ACTR3C: variants seen among roughly 807,000 people sequenced by gnomAD.
ACTR3C encodes actin-related protein 3C.
A neutral mutation model predicts 26.3 loss-of-function variants in ACTR3C; 18 were observed. That is an observed-to-expected ratio of 0.68 (90% confidence interval 0.47 to 1.01). ACTR3C has a LOEUF of 1.01. Among genes scored for constraint, ACTR3C ranks in the 50% least tolerant of loss-of-function variants. The probability of loss-of-function intolerance (pLI) is 0.00; values close to 1 mark genes in which losing one functional copy is unlikely to be tolerated. For missense variants in ACTR3C, 184 were observed against 250.7 expected (o/e 0.73, Z 1.80); for synonymous variants, 55 against 94.5 (o/e 0.58, Z 2.42).
At chr7:150,015,536 A>G in the ACTR3C span, among the ~76,000 whole-genome samples, 2 of 152,164 alleles carry the variant, frequency 1.3e-5, no homozygotes, top group Non-Finnish European at 2.9e-5. Context: ...GCAGAAAGAC[A>G]CGTTCCCTTT....
chr7:150,265,361 G>GTA (rs1833949629), intron 6 of ACTR3C, among the ~76,000 whole-genome samples: 1 of 149,820 alleles, frequency 6.7e-6, no homozygotes, highest in Admixed American at 6.6e-5. Context: ...ACAAATTAAT[G>GTA]TAATAGATTT....
At chr7:150,099,577 C>T in the ACTR3C span, among the ~76,000 whole-genome samples, 1 of 151,550 alleles carries the variant, frequency 6.6e-6, no homozygotes, top group African/African-American at 2.4e-5. Context: ...GGCTGATCTG[C>T]AGGGGATGTG....
intron 4 of ACTR3C, among the ~76,000 whole-genome samples, chr7:150,287,317 G>GAAAGGA (rs1835865043): frequency 6.6e-6 from 1 of 152,172 alleles, no homozygotes; most frequent in Non-Finnish European, 1.5e-5. Flanking sequence ...TCCCGGGGAA[G>GAAAGGA]AAAGGAAAAG....
chr7:150,178,173 C>G, the ACTR3C span, among the ~76,000 whole-genome samples: 4 of 150,512 alleles, frequency 2.7e-5, no homozygotes, highest in Admixed American at 6.6e-5. Context: ...AAAGGCTGCT[C>G]CACTACTGAC....
the ACTR3C span, among the ~76,000 whole-genome samples, chr7:150,196,220 T>A: frequency 6.6e-6 from 1 of 152,264 alleles, no homozygotes; most frequent in Non-Finnish European, 1.5e-5. Flanking sequence ...ATCTTTGTCA[T>A]ACTTTTGGGG....
At chr7:150,235,508 G>A in the ACTR3C span, among the ~76,000 whole-genome samples, 1 of 152,220 alleles carries the variant, frequency 6.6e-6, no homozygotes, top group Non-Finnish European at 1.5e-5. Flanking sequence ...ACCACCCCAA[G>A]CCTCATGTGA....
the ACTR3C span, among the ~76,000 whole-genome samples, chr7:150,188,187 A>G: frequency 6.6e-6 from 1 of 152,210 alleles, no homozygotes; most frequent in Non-Finnish European, 1.5e-5. Flanking sequence ...TTCTTTCCAG[A>G]ACATTATATA....
chr7:150,321,654 C>T (rs918930683), intron 1 of ACTR3C, among the ~76,000 whole-genome samples: 1 of 152,116 alleles, frequency 6.6e-6, no homozygotes, highest in East Asian at 1.9e-4. Flanking sequence ...GCAGGAGAAT[C>T]GCTTGAACTC....
At chr7:150,109,269 G>A in the ACTR3C span, among the ~76,000 whole-genome samples, 1 of 151,986 alleles carries the variant, frequency 6.6e-6, no homozygotes, top group African/African-American at 2.4e-5. Context: ...AATTTGTATA[G>A]CTTTGCATGA....
the ACTR3C span, among the ~76,000 whole-genome samples, chr7:149,990,607 A>T: frequency 2.4e-3 from 325 of 134,638 alleles, 2 homozygotes; most frequent in African/African-American, 8.8e-3. Flanking sequence ...CCTCATGGAG[A>T]AGTGAGGCAG....
chr7:149,998,944 T>C, the ACTR3C span, among the ~76,000 whole-genome samples: 3 of 150,350 alleles, frequency 2.0e-5, no homozygotes, highest in Non-Finnish European at 2.9e-5. Context: ...AAATGCCACA[T>C]GATGAGGAAG....
chr7:149,905,931 A>G, the ACTR3C span, among the ~76,000 whole-genome samples: 2 of 151,966 alleles, frequency 1.3e-5, no homozygotes, highest in Non-Finnish European at 2.9e-5. Context: ...TGACAAAACA[A>G]TTTCTGATTA....
chr7:150,300,524 A>G (rs1795374827), intron 1 of ACTR3C, among the ~76,000 whole-genome samples: 1 of 151,904 alleles, frequency 6.6e-6, no homozygotes, highest in Admixed American at 6.6e-5. Flanking sequence ...ATCTTCCAGC[A>G]CCTTTTCAGT....
chr7:149,899,806 C>A, the ACTR3C span, among the ~76,000 whole-genome samples: 1 of 149,254 alleles, frequency 6.7e-6, no homozygotes, highest in Non-Finnish European at 1.5e-5. Flanking sequence ...AGATTCAATA[C>A]TGAACAAACC....
chr7:149,999,038 C>T, the ACTR3C span, among the ~76,000 whole-genome samples: 1 of 150,404 alleles, frequency 6.6e-6, no homozygotes, highest in African/African-American at 2.4e-5. Flanking sequence ...CCACAAGCCC[C>T]CAGGTGACAG....
At chr7:150,302,134 C>G (rs1226448018) in intron 1 of ACTR3C, among the ~76,000 whole-genome samples, 1 of 152,096 alleles carries the variant, frequency 6.6e-6, no homozygotes. Flanking sequence ...GAACAGACAG[C>G]TCGCAAAAGA....
the ACTR3C span, among the ~76,000 whole-genome samples, chr7:150,095,623 CT>C: frequency 0.053 from 7,252 of 138,092 alleles, 651 homozygotes; most frequent in African/African-American, 0.14. Flanking sequence ...AAGTCCTATG[CT>C]TTTTTTTTTT....
the ACTR3C span, among the ~76,000 whole-genome samples, chr7:149,988,779 A>G: frequency 1.3e-5 from 2 of 152,238 alleles, no homozygotes; most frequent in African/African-American, 4.8e-5. Flanking sequence ...AAGGTAGAGA[A>G]CAGGGCTGAG....
the ACTR3C span, among the ~76,000 whole-genome samples, chr7:150,141,961 G>A: frequency 6.6e-6 from 1 of 152,142 alleles, no homozygotes; most frequent in African/African-American, 2.4e-5. Context: ...TCAGGGACTG[G>A]AGCCAAGAGA....
Sources: gnomAD v4.1 joint callset for allele counts (sites outside exome capture counted in the v4.1 genomes callset) on GRCh38, gnomAD v4.1.1 for gene constraint, MANE v1.5 for transcripts, NCBI Gene and HGNC (gene_info 2026-07-23, HGNC 2026-07-21) for gene names.